The following CAB39 variants were observed in gnomAD, a reference collection of about 807,000 sequenced individuals.
CAB39 encodes the protein calcium-binding protein 39.
A neutral mutation model predicts 40.0 loss-of-function variants in CAB39; 8 were observed. The ratio of observed to expected loss-of-function variants is 0.20; its 90% confidence interval spans 0.12 to 0.36. CAB39 has a LOEUF of 0.36. CAB39 is among the 10% of genes least tolerant of loss of function. The pLI is 1.00. For missense variants in CAB39, 270 were observed against 401.1 expected, an observed-to-expected ratio of 0.67 and a Z score of 2.79; for synonymous variants, 156 against 141.6, an observed-to-expected ratio of 1.10 and a Z score of -0.72.
intron 5 of CAB39, among the ~76,000 whole-genome samples, chr2:230,806,074 T>G (rs1163406723): frequency 6.6e-6 from 1 of 152,110 alleles, no homozygotes; most frequent in Non-Finnish European, 1.5e-5. Flanking sequence ...CCCAGCTGTA[T>G]AAAATATGGG....
At chr2:230,783,064 G>A (rs903061157) in intron 2 of CAB39, among the ~76,000 whole-genome samples, 6 of 151,882 alleles carry the variant, frequency 4.0e-5, no homozygotes, top group African/African-American at 1.2e-4. Flanking sequence ...TCCTGACCTC[G>A]TGATTCGCCC....
At chr2:230,790,628 T>C (rs961795529) in intron 2 of CAB39, among the ~76,000 whole-genome samples, 1 of 152,124 alleles carries the variant, frequency 6.6e-6, no homozygotes, top group Admixed American at 6.5e-5. Flanking sequence ...TGGTTTTCAG[T>C]GTTTGGGTGT....
At chr2:230,722,581 T>C (rs1244120380) in intron 1 of CAB39, among the ~76,000 whole-genome samples, 2 of 152,232 alleles carry the variant, frequency 1.3e-5, no homozygotes, top group Admixed American at 6.5e-5. Flanking sequence ...TAATGCCTCT[T>C]TTTCCTCAGC....
intron 2 of CAB39, among the ~76,000 whole-genome samples, chr2:230,771,131 C>T (rs563057946): frequency 1.4e-3 from 210 of 150,646 alleles, no homozygotes; most frequent in African/African-American, 4.9e-3. Flanking sequence ...TGATCATCTA[C>T]ATAGAAAAAC....
At chr2:230,785,389 A>AG (rs1403789252) in intron 2 of CAB39, among the ~76,000 whole-genome samples, 1 of 12,818 alleles carries the variant, frequency 7.8e-5, no homozygotes, top group Non-Finnish European at 1.6e-4. Flanking sequence ...GCAGGGGGGC[A>AG]GGGGGGCAGG....
At chr2:230,740,040 A>G (rs1265811057) in intron 1 of CAB39, among the ~76,000 whole-genome samples, 1 of 152,242 alleles carries the variant, frequency 6.6e-6, no homozygotes, top group Non-Finnish European at 1.5e-5. Context: ...AAAGAATGTC[A>G]GTATAATTTT....
chr2:230,816,664 G>T (rs1466401108), intron 7 of CAB39, among the ~76,000 whole-genome samples: 1 of 152,192 alleles, frequency 6.6e-6, no homozygotes, highest in East Asian at 1.9e-4. Context: ...CGCTATTTGC[G>T]CCTTTTCTTC....
At chr2:230,782,399 G>A (rs560919995) in intron 2 of CAB39, among the ~76,000 whole-genome samples, 1 of 152,182 alleles carries the variant, frequency 6.6e-6, no homozygotes, top group Non-Finnish European at 1.5e-5. Context: ...GCTGAAAAAG[G>A]AGAAATGGAA....
At chr2:230,734,970 G>A (rs1314814047) in intron 1 of CAB39, among the ~76,000 whole-genome samples, 2 of 152,154 alleles carry the variant, frequency 1.3e-5, no homozygotes, top group Admixed American at 6.5e-5. Flanking sequence ...TCATAGGAAA[G>A]CATCAAGTGA....
chr2:230,727,409 T>TC (rs1559589603), intron 1 of CAB39, among the ~76,000 whole-genome samples: 1 of 146,726 alleles, frequency 6.8e-6, no homozygotes, highest in African/African-American at 2.6e-5. Flanking sequence ...TATTTTTTTT[T>TC]CTTTTTCTTT....
intron 1 of CAB39, among the ~76,000 whole-genome samples, chr2:230,721,348 T>C (rs1694449544): frequency 6.6e-6 from 1 of 152,158 alleles, no homozygotes. Flanking sequence ...GGAGAATCGC[T>C]TGAGCCCTGG....
chr2:230,754,994 C>T (rs879942301), intron 1 of CAB39, among the ~76,000 whole-genome samples: 2 of 152,208 alleles, frequency 1.3e-5, no homozygotes, highest in Non-Finnish European at 2.9e-5. Context: ...CAGTCTCATA[C>T]AGGTTGCTGC....
intron 1 of CAB39, among the ~76,000 whole-genome samples, chr2:230,718,816 T>G (rs2124849165): frequency 6.6e-6 from 1 of 152,346 alleles, no homozygotes; most frequent in Non-Finnish European, 1.5e-5. Context: ...TGGTTCACTT[T>G]GAGCAGTAAC....
intron 8 of CAB39, 88 bp downstream of exon 8, chr2:230,817,985 C>G: frequency 1.7e-6 from 2 of 1,183,006 alleles, no homozygotes; most frequent in Non-Finnish European, 2.4e-6. Context: ...TAGCCTCACT[C>G]TGGTAATCCA....
intron 2 of CAB39, among the ~76,000 whole-genome samples, chr2:230,766,499 A>G (rs1423055534): frequency 6.6e-6 from 1 of 152,120 alleles, no homozygotes; most frequent in Admixed American, 6.6e-5. Flanking sequence ...CACCTCCATG[A>G]TCCAAACACC....
At chr2:230,743,554 T>A (rs1430742649) in intron 1 of CAB39, among the ~76,000 whole-genome samples, 1 of 152,240 alleles carries the variant, frequency 6.6e-6, no homozygotes, top group Non-Finnish European at 1.5e-5. Context: ...CAAGCTACAT[T>A]AATATAGAAA....
chr2:230,751,082 A>G (rs1284064954), intron 1 of CAB39, among the ~76,000 whole-genome samples: 1 of 152,276 alleles, frequency 6.6e-6, no homozygotes, highest in Non-Finnish European at 1.5e-5. Context: ...AGAGCCAGTT[A>G]TCTAAAAAGA....
chr2:230,789,670 A>G (rs1443237893), intron 2 of CAB39, among the ~76,000 whole-genome samples: 1 of 152,170 alleles, frequency 6.6e-6, no homozygotes, highest in Non-Finnish European at 1.5e-5. Flanking sequence ...ACTCAGTTGA[A>G]GACATGAGTG....
intron 1 of CAB39, among the ~76,000 whole-genome samples, chr2:230,748,475 A>G (rs1194547386): frequency 2.0e-5 from 3 of 152,140 alleles, no homozygotes; most frequent in Non-Finnish European, 2.9e-5. Flanking sequence ...GGTTAAGGCC[A>G]TTGGTGATTG....
Sources: allele counts gnomAD v4.1 joint callset (sites outside exome capture counted in the v4.1 genomes callset), GRCh38; gene constraint gnomAD v4.1.1; transcripts MANE v1.5; gene names NCBI Gene and HGNC (gene_info 2026-07-23, HGNC 2026-07-21).